Variants in LARGE1 observed in about 807,000 individuals in gnomAD.
The protein encoded by LARGE1 is xylosyl- and glucuronyltransferase LARGE1.
A neutral mutation model predicts 87.6 loss-of-function variants in LARGE1; 43 were observed. The observed-to-expected ratio is 0.49, with a 90% confidence interval of 0.38 to 0.63. The LOEUF (loss-of-function observed/expected upper bound fraction) is 0.63, where lower values mean the gene tolerates loss of function less well. LARGE1 is among the 30% of genes least tolerant of loss of function. The pLI is 0.00. For missense variants in LARGE1, 802 were observed against 1,000.2 expected (o/e 0.80, Z 2.67); for synonymous variants, 434 against 394.6 (o/e 1.10, Z -1.18).
chr22:33,846,094 G>A (rs1440573798), intron 1 of LARGE1, among the ~76,000 whole-genome samples: 4 of 152,094 alleles, frequency 2.6e-5, no homozygotes, highest in Non-Finnish European at 5.9e-5. Context: ...CTGCATCTCT[G>A]CCCTCTGTAT....
At chr22:33,103,503 T>C in the LARGE1 span, among the ~76,000 whole-genome samples, 1 of 150,550 alleles carries the variant, frequency 6.6e-6, no homozygotes, top group Non-Finnish European at 1.5e-5. Context: ...AAATGAGCTC[T>C]TTAAAAGCAG....
intron 6 of LARGE1, among the ~76,000 whole-genome samples, chr22:33,443,745 T>C (rs2067582237): frequency 6.6e-6 from 1 of 152,236 alleles, no homozygotes; most frequent in South Asian, 2.1e-4. Context: ...CAGTTCAATC[T>C]GAAATAATGA....
chr22:33,878,128 TC>T (rs375088258), intron 1 of LARGE1, among the ~76,000 whole-genome samples: 7 of 126,616 alleles, frequency 5.5e-5, no homozygotes, highest in African/African-American at 1.6e-4. Flanking sequence ...ATATTGTATT[TC>T]TTTTTTTTTT....
intron 11 of LARGE1, among the ~76,000 whole-genome samples, chr22:33,262,350 A>G (rs926772528): frequency 4.6e-5 from 7 of 152,196 alleles, no homozygotes; most frequent in African/African-American, 1.7e-4. Flanking sequence ...CAGTTAGGAA[A>G]GTCCCATTCC....
Position 33,717,698 on chromosome 22 carries a change from A to G in LARGE1, c.106+43673T>C, listed in dbSNP as rs192265033. Among the ~76,000 whole-genome samples, 35 of 152,384 alleles carry G rather than the reference A, an allele frequency of 2.3e-4. 1 individual carries two copies. Among genetic ancestry groups the G allele is most frequent in the Admixed American group, 2.1e-3 (32 of 15,312 alleles). ...AAGCACTAACGAATGTACTCAAGAA[A>G]CCAACTAGCACTATTTCTGTGATGT... On this transcript the variant is annotated intron_variant, in intron 2 of 14. Transcript: ENST00000397394.
chr22:33,741,561 G>A (rs1289557601), intron 2 of LARGE1, among the ~76,000 whole-genome samples: 2 of 152,228 alleles, frequency 1.3e-5, no homozygotes, highest in African/African-American at 2.4e-5. Context: ...GCAGAAATGC[G>A]GAGCCAACAA....
chr22:33,308,735 G>A lies in LARGE1; in HGVS notation c.1452-4228C>T, dbSNP rs115850196. On this transcript the variant is annotated intron_variant, in intron 11 of 14. Coordinates refer to ENST00000397394, the MANE Select transcript of LARGE1 (RefSeq NM_133642.5). ...ACCCCCGAAAAGCTACCTAGTTTAC[G>A]GCAGACACAGGAATGAGCCCAGCAG... Among the ~76,000 whole-genome samples, 1,207 of 152,184 alleles carry A rather than the reference G, an allele frequency of 7.9e-3. 17 individuals carry two copies. The highest frequency in any genetic ancestry group is 0.027 in the African/African-American group (1,114 of 41,506).
At chr22:33,781,546 A>G (rs2085421151) in intron 1 of LARGE1, among the ~76,000 whole-genome samples, 1 of 152,176 alleles carries the variant, frequency 6.6e-6, no homozygotes, top group African/African-American at 2.4e-5. Context: ...GTGAAAGCAA[A>G]GAGGAAAGAA....
At chr22:33,566,948 A>T (rs1440986688) in intron 5 of LARGE1, among the ~76,000 whole-genome samples, 2 of 152,236 alleles carry the variant, frequency 1.3e-5, no homozygotes, top group East Asian at 3.9e-4. Flanking sequence ...TTTCAAAAAA[A>T]GCATCCCCAA....
intron 1 of LARGE1, among the ~76,000 whole-genome samples, chr22:33,878,101 A>C: frequency 7.7e-6 from 1 of 129,202 alleles, no homozygotes; most frequent in Non-Finnish European, 1.7e-5. Flanking sequence ...AAATATTTAA[A>C]ATTATGTATG....
chr22:33,709,857 C>A (rs1050979829), intron 2 of LARGE1, among the ~76,000 whole-genome samples: 2 of 151,710 alleles, frequency 1.3e-5, no homozygotes, highest in African/African-American at 4.8e-5. Context: ...AAACTCCTGA[C>A]CTCAGGTGAT....
chr22:33,886,656 CAAAAAAAAAAA>C (rs869173776), intron 1 of LARGE1, among the ~76,000 whole-genome samples: 2 of 34,566 alleles, frequency 5.8e-5, no homozygotes, highest in African/African-American at 1.6e-4. Context: ...GAGATTCTGC[CAAAAAAAAAAA>C]AAAAAAAGAA....
chr22:33,759,273 A>T (rs770284171), intron 2 of LARGE1, among the ~76,000 whole-genome samples: 3 of 152,202 alleles, frequency 2.0e-5, no homozygotes, highest in Non-Finnish European at 4.4e-5. Context: ...TGCAAATCAA[A>T]ATTCTACAAC....
At chr22:33,758,487 A>C (rs417683) in intron 2 of LARGE1, among the ~76,000 whole-genome samples, 2,931 of 152,260 alleles carry the variant, frequency 0.019, 86 homozygotes, top group African/African-American at 0.067. Flanking sequence ...CCCAGCCCCT[A>C]CTAAATGCAG....
chr22:33,230,962 T>G (rs1442538589), intron 11 of LARGE1, among the ~76,000 whole-genome samples: 2 of 152,242 alleles, frequency 1.3e-5, no homozygotes, highest in Non-Finnish European at 2.9e-5. Flanking sequence ...TTTTCCAATA[T>G]AATCTTTCAA....
intron 7 of LARGE1, among the ~76,000 whole-genome samples, chr22:33,398,128 G>A (rs1016647991): frequency 4.6e-5 from 7 of 151,966 alleles, no homozygotes; most frequent in African/African-American, 1.7e-4. Flanking sequence ...CACCAACAGA[G>A]ACCCCCTTCT....
chr22:33,825,486 A>G (rs1463097822), intron 1 of LARGE1, among the ~76,000 whole-genome samples: 1 of 152,036 alleles, frequency 6.6e-6, no homozygotes, highest in East Asian at 1.9e-4. Context: ...ACTTACGATC[A>G]TGATGGAAGG....
intron 6 of LARGE1, among the ~76,000 whole-genome samples, chr22:33,553,269 G>A (rs571029052): frequency 1.2e-4 from 19 of 152,296 alleles, no homozygotes; most frequent in African/African-American, 4.6e-4. Context: ...ACTTTGGGAA[G>A]CTGAGGCGGG....
At chr22:33,782,592 C>T (rs778604261) in intron 1 of LARGE1, among the ~76,000 whole-genome samples, 6 of 152,216 alleles carry the variant, frequency 3.9e-5, no homozygotes, top group African/African-American at 1.2e-4. Context: ...TTGGGCTGGG[C>T]GCGGTGGCTC....
Sources: allele counts gnomAD v4.1 joint callset (sites outside exome capture counted in the v4.1 genomes callset), GRCh38; gene constraint gnomAD v4.1.1; transcripts MANE v1.5; gene names NCBI Gene and HGNC (gene_info 2026-07-23, HGNC 2026-07-21).